Variants in BANP observed in about 807,000 individuals in gnomAD.
The protein encoded by BANP is protein BANP.
Under a neutral mutation model 68.1 loss-of-function variants are expected in BANP, and 11 were observed. The observed-to-expected ratio is 0.16, with a 90% CI of 0.10 to 0.27. The LOEUF (loss-of-function observed/expected upper bound fraction) is 0.27. Among genes scored for constraint, BANP ranks in the 10% least tolerant of loss-of-function variants. BANP has a pLI of 1.00. For missense variants in BANP, 504 were observed against 722.7 expected, an observed-to-expected ratio of 0.70 and a Z score of 3.47; for synonymous variants, 329 against 303.2, an observed-to-expected ratio of 1.09 and a Z score of -0.88.
At chr16:88,016,159 TC>T (rs2074502347) in intron 6 of BANP, among the ~76,000 whole-genome samples, 1 of 152,220 alleles carries the variant, frequency 6.6e-6, no homozygotes, top group African/African-American at 2.4e-5. Flanking sequence ...TTAGGTTTAA[TC>T]TGACCAGGAA....
chr16:88,063,573 A>AT (rs1340029631), intron 11 of BANP, among the ~76,000 whole-genome samples: 2 of 152,118 alleles, frequency 1.3e-5, no homozygotes, highest in Non-Finnish European at 2.9e-5. Context: ...TCCTGTGATG[A>AT]TTTTGTAATC....
At chr16:87,958,278 T>C (rs1385082984) in intron 1 of BANP, among the ~76,000 whole-genome samples, 1 of 152,120 alleles carries the variant, frequency 6.6e-6, no homozygotes, top group East Asian at 1.9e-4. Flanking sequence ...CCCACATCAA[T>C]TGAGTGGGCC....
At chr16:88,023,650 C>T (rs2076428054) in intron 7 of BANP, among the ~76,000 whole-genome samples, 1 of 152,230 alleles carries the variant, frequency 6.6e-6, no homozygotes, top group African/African-American at 2.4e-5. Flanking sequence ...ACAAGCCCTC[C>T]TGGCTCTCTC....
Position 87,957,727 on chromosome 16 carries a change from A to G in BANP, c.-69+6212A>G, listed in dbSNP as rs1468848480. ...AGGGAGAACTGGGTGCGCGCTTGGC[A>G]TTTCCTTGCCGGTGTGAATGCGCTT... On this transcript the variant is annotated intron_variant, in intron 1 of 13. Coordinates refer to ENST00000682872, the MANE Select transcript of BANP (RefSeq NM_001386991.1). This position sits in a 1 kb window ranked among gnomAD's most constrained non-coding sequence, Gnocchi z 4.3. 6.6e-6 allele frequency among the ~76,000 whole-genome samples: 1 copy of G among 152,228 alleles called. No homozygotes were observed. The highest frequency in any genetic ancestry group is 6.5e-5 in the Admixed American group (1 of 15,286).
At position 88,018,959 on chromosome 16, in the gene BANP, C is replaced by T. The variant is rs2075240664; in HGVS notation, c.895+292C>T. ...AACTCCTCGCCTCCTGTCTGTAGGCCACTCTTGAGGAAGAGAGAGGAGGAG... is the reference window on the plus strand; with the variant it reads ...AACTCCTCGCCTCCTGTCTGTAGGCTACTCTTGAGGAAGAGAGAGGAGGAG... On this transcript the variant is annotated intron_variant, in intron 7 of 13. Transcript: ENST00000682872. The surrounding 1 kb of genome is among the most constrained non-coding windows in gnomAD (Gnocchi z 7.7). Among the ~76,000 whole-genome samples the T allele has an allele frequency of 6.6e-6, 1 of 152,184 alleles. No individual in the cohort carries two copies. The highest frequency in any genetic ancestry group is 1.5e-5 in the Non-Finnish European group (1 of 68,024).
chr16:88,014,981 T>A (rs1237501174), intron 6 of BANP, among the ~76,000 whole-genome samples: 1 of 152,030 alleles, frequency 6.6e-6, no homozygotes, highest in African/African-American at 2.4e-5. Context: ...AGCAGCTCTG[T>A]AATCAGCTGC....
At chr16:87,990,023 A>T (rs1211395681) in intron 4 of BANP, among the ~76,000 whole-genome samples, 1 of 152,214 alleles carries the variant, frequency 6.6e-6, no homozygotes, top group Non-Finnish European at 1.5e-5. Context: ...TGCCCAGCAC[A>T]CCTGTGGAGT....
At chr16:88,013,100 A>T (rs936475681) in intron 6 of BANP, among the ~76,000 whole-genome samples, 3 of 152,236 alleles carry the variant, frequency 2.0e-5, no homozygotes, top group African/African-American at 7.2e-5. Flanking sequence ...GAGACACTAG[A>T]AATGTGTGAA....
intron 4 of BANP, among the ~76,000 whole-genome samples, chr16:87,992,165 G>A (rs900433670): frequency 2.1e-4 from 32 of 152,130 alleles, no homozygotes; most frequent in Admixed American, 2.0e-4. Flanking sequence ...GAATTACGTC[G>A]ATTTCGAATG....
At position 88,077,116 on chromosome 16, in the gene BANP, C is replaced by T. The variant is rs1017351530; in HGVS notation, c.*455C>T. ...GTGTGCTCTGTCCAGTGTCATGAGACGGGAGCCCTTTGCTGTGTGCTCTGT... is the reference window on the plus strand; with the variant it reads ...GTGTGCTCTGTCCAGTGTCATGAGATGGGAGCCCTTTGCTGTGTGCTCTGT... On this transcript the variant is annotated 3_prime_UTR_variant, in exon 14 of 14. Coordinates refer to ENST00000682872, the MANE Select transcript of BANP (RefSeq NM_001386991.1). 4 of 173,616 alleles carry T rather than the reference C, an allele frequency of 2.3e-5. No homozygotes were observed. The highest frequency in any genetic ancestry group is 9.6e-5 in the African/African-American group (4 of 41,640). The allele number at this position is 173,616 out of a possible 1,614,324, so 10.8% of individuals were successfully genotyped here. A position where few individuals can be genotyped will look rare whatever the true frequency, so the allele number is the denominator to read the frequency against.
intron 10 of BANP, among the ~76,000 whole-genome samples, chr16:88,035,866 G>A (rs1490970898): frequency 6.6e-6 from 1 of 152,246 alleles, no homozygotes; most frequent in Non-Finnish European, 1.5e-5. Flanking sequence ...AGGTGATGCT[G>A]CCAGTCCTGA....
intron 9 of BANP, among the ~76,000 whole-genome samples, chr16:88,034,509 C>G (rs1044704018): frequency 2.0e-5 from 3 of 152,056 alleles, no homozygotes; most frequent in African/African-American, 7.3e-5. Flanking sequence ...TTTACTGAAA[C>G]TGTCTAAATA....
intron 8 of BANP, among the ~76,000 whole-genome samples, chr16:88,031,720 A>G (rs1241641958): frequency 5.3e-5 from 8 of 152,092 alleles, no homozygotes; most frequent in East Asian, 1.9e-4. Flanking sequence ...TCTAGGTACT[A>G]TGGCAATTTA....
In BANP at chr16:88,039,374, C is replaced by T. The variant is rs1234703392; in HGVS notation, c.1311+1363C>T. On this transcript the variant is annotated intron_variant, in intron 11 of 13. Coordinates refer to ENST00000682872, the MANE Select transcript of BANP (RefSeq NM_001386991.1). ...CCGCGCCTTTGTCCCGTGGTTCTCA[C>T]GGTCACGGGGGCAGCAGAGGACAGG... 4.2e-5 allele frequency among the ~76,000 whole-genome samples: 6 copies of T among 143,438 alleles called. 1 individual carries two copies. Among genetic ancestry groups the T allele is most frequent in the Admixed American group, 1.4e-4 (2 of 14,208 alleles). The allele number at this position is 143,438 out of a possible 152,430, so 94.1% of individuals were successfully genotyped here.
chr16:88,056,418 G>T (rs75187445), intron 11 of BANP, among the ~76,000 whole-genome samples: 298 of 151,994 alleles, frequency 2.0e-3, no homozygotes, highest in South Asian at 3.5e-3. Flanking sequence ...AAGGGCCCAG[G>T]ACAAGCTGGA....
chr16:88,005,732 A>G (rs1037701992), intron 5 of BANP, among the ~76,000 whole-genome samples: 5 of 152,212 alleles, frequency 3.3e-5, no homozygotes, highest in Non-Finnish European at 7.3e-5. Flanking sequence ...AGTTTTCCTC[A>G]TTTAGTCTTC....
intron 7 of BANP, among the ~76,000 whole-genome samples, chr16:88,019,502 C>T (rs1322846911): frequency 2.1e-5 from 3 of 144,608 alleles, no homozygotes; most frequent in Non-Finnish European, 3.0e-5. Context: ...ACAGGGCGAG[C>T]GAGGCAGAGC....
rs574854949 is a variant in BANP at position 87,979,750 on chromosome 16, G to A, written c.71-1286G>A. On this transcript the variant is annotated intron_variant, in intron 2 of 13. Transcript: ENST00000682872. ...AATACGCATGCTCATATGTATGCACGTATATAATATCTATTCTTATATACT... is the reference window on the plus strand; with the variant it reads ...AATACGCATGCTCATATGTATGCACATATATAATATCTATTCTTATATACT... Among the ~76,000 whole-genome samples the A allele has an allele frequency of 1.1e-4, 16 of 152,272 alleles. No homozygotes were observed. The East Asian group carries it at 1.3e-3, about 13-fold the overall frequency.
chr16:88,041,283 C>T (rs1341214412), intron 11 of BANP, among the ~76,000 whole-genome samples: 1 of 152,134 alleles, frequency 6.6e-6, no homozygotes, highest in Admixed American at 6.5e-5. Context: ...GCCGGGGCGA[C>T]GGGTTTGAGG....
Sources: allele counts gnomAD v4.1 joint callset (sites outside exome capture counted in the v4.1 genomes callset), GRCh38; gene constraint gnomAD v4.1.1; non-coding constraint Gnocchi (gnomAD v3.1); transcripts MANE v1.5; gene names NCBI Gene and HGNC (gene_info 2026-07-23, HGNC 2026-07-21).